Variants in COBLL1 observed in about 807,000 individuals in gnomAD.
COBLL1 encodes the protein cordon-bleu WH2 repeat protein like 1.
Under a neutral mutation model 94.8 loss-of-function variants are expected in COBLL1, and 50 were observed. The observed-to-expected ratio is 0.53, with a 90% confidence interval of 0.42 to 0.67. The LOEUF is 0.67. COBLL1 is among the 30% of genes least tolerant of loss of function. COBLL1 has a pLI of 0.00. For synonymous variants in COBLL1, 448 were observed against 473.8 expected, an observed-to-expected ratio of 0.95 and a Z score of 0.71; for missense variants, 1,362 against 1,348.7, an observed-to-expected ratio of 1.01 and a Z score of -0.15.
chr2:164,762,839 G>A (rs920109644), intron 2 of COBLL1, among the ~76,000 whole-genome samples: 1 of 151,980 alleles, frequency 6.6e-6, no homozygotes, highest in African/African-American at 2.4e-5. Context: ...TGGGACTACA[G>A]GCGCCTGGCA....
intron 3 of COBLL1, among the ~76,000 whole-genome samples, chr2:164,740,215 T>G (rs538177886): frequency 4.1e-4 from 63 of 152,138 alleles, no homozygotes; most frequent in African/African-American, 1.5e-3. Context: ...ATACAAGAAT[T>G]AGCTGGGCAT....
At position 164,703,649 on chromosome 2, in the gene COBLL1, A is replaced by G. The variant is rs1012341847; in HGVS notation, c.1225+795T>C. Reference sequence around the variant, plus strand: ...ATACCACTTAAAGATGAAAGATTCAAGAGTGTTCCTCCTAAATGTTTCCTG... The same window carrying G: ...ATACCACTTAAAGATGAAAGATTCAGGAGTGTTCCTCCTAAATGTTTCCTG... On this transcript the variant is annotated intron_variant, in intron 9 of 13. Transcript: ENST00000652658. 3.2e-5 allele frequency: 13 copies of G among 406,814 alleles called. No individual in the cohort carries two copies. The Middle Eastern group carries it at 4.6e-3, about 145-fold the overall frequency. The allele number at this position is 406,814 out of a possible 1,614,324, so 25.2% of individuals were successfully genotyped here. A position where few individuals can be genotyped will look rare whatever the true frequency, so the allele number is the denominator to read the frequency against.
intron 2 of COBLL1, among the ~76,000 whole-genome samples, chr2:164,831,528 A>C (rs1683075722): frequency 6.6e-6 from 1 of 151,896 alleles, no homozygotes; most frequent in Non-Finnish European, 1.5e-5. Context: ...CCTGAAGCAC[A>C]GAAAAAATAT....
chr2:164,842,018 C>T (rs1683652317), upstream of COBLL1: 6 of 1,539,354 alleles, frequency 3.9e-6, no homozygotes, highest in South Asian at 1.2e-5. Context: ...CACGGCCGCA[C>T]ATAAGTGGGG....
intron 2 of COBLL1, among the ~76,000 whole-genome samples, chr2:164,827,692 T>C (rs1206720399): frequency 6.6e-6 from 1 of 152,148 alleles, no homozygotes; most frequent in Non-Finnish European, 1.5e-5. Flanking sequence ...CACAAATGAG[T>C]ATGAATTCTT....
Position 164,705,018 on chromosome 2 carries a change from G to A in COBLL1, c.1084C>T (p.Arg362Ter), listed in dbSNP as rs769963140. The A allele has an allele frequency of 3.7e-6, 6 of 1,604,698 alleles. No individual in the cohort carries two copies. Among genetic ancestry groups the A allele is most frequent in the South Asian group, 1.1e-5 (1 of 89,340 alleles). Residue 362 changes from arginine to a stop codon, truncating the protein, a stop_gained, in exon 8 of 14, where the codon CGA (arginine) becomes TGA (stop). Transcript: ENST00000652658. LOFTEE classifies it high-confidence loss of function. ...AGNSSLRRTK[R>*]KAPSPPSKIP... is the part of the protein sequence containing the mutation. ...TTGGAGGGTGGGGAAGGTGCTTTTC[G>A]CTTTGTCCTTCTCAAAGATGAATTC...
At chr2:164,755,544 C>T (rs1687356283) in intron 2 of COBLL1, among the ~76,000 whole-genome samples, 1 of 152,040 alleles carries the variant, frequency 6.6e-6, no homozygotes. Flanking sequence ...GTAAAGTGGG[C>T]CACAGGACAC....
chr2:164,771,370 G>A (rs1688195176), intron 2 of COBLL1, among the ~76,000 whole-genome samples: 1 of 151,906 alleles, frequency 6.6e-6, no homozygotes, highest in African/African-American at 2.4e-5. Context: ...TTAAACAACA[G>A]GGTATCACTG....
At position 164,748,302 on chromosome 2, in the gene COBLL1, C is replaced by A. The variant is rs570047452; in HGVS notation, c.42-4427G>T. ...TTTAACTTATTTGACCTTTTAGTCA[C>A]CAGCAAAATTTTGAAAATATCTTTT... On this transcript the variant is annotated intron_variant, in intron 2 of 13. Transcript: ENST00000652658. 2.0e-5 allele frequency among the ~76,000 whole-genome samples: 3 copies of A among 152,248 alleles called. No homozygotes were observed. The South Asian group carries it at 6.2e-4, about 32-fold the overall frequency.
chr2:164,769,130 T>A lies in COBLL1; in HGVS notation c.42-25255A>T, dbSNP rs138287025. On this transcript the variant is annotated intron_variant, in intron 2 of 13. Coordinates refer to ENST00000652658, the MANE Select transcript of COBLL1 (RefSeq NM_001365672.2). ...ATTTCTCTTTCAGATACACACATAC[T>A]CTACCATGTGTTCAAACATTTTCCT... Among the ~76,000 whole-genome samples, 449 of 152,240 alleles carry A rather than the reference T, an allele frequency of 2.9e-3. 8 individuals are homozygous for A. Among genetic ancestry groups the A allele is most frequent in the African/African-American group, 0.01 (427 of 41,544 alleles).
rs1559045987 is a variant in COBLL1 at position 164,818,332 on chromosome 2, A to C, written c.41+22824T>G. 3.9e-3 allele frequency among the ~76,000 whole-genome samples: 568 copies of C among 146,256 alleles called. 27 individuals are homozygous for C. Among genetic ancestry groups the C allele is most frequent in the African/African-American group, 0.013 (519 of 38,550 alleles). On this transcript the variant is annotated intron_variant, in intron 2 of 13. Coordinates refer to ENST00000652658, the MANE Select transcript of COBLL1 (RefSeq NM_001365672.2). ...CATATACACGTGTGTATGTATACAT[A>C]TATGTATATATACATATGTGCATAT...
At chr2:164,823,079 T>A (rs1037543071) in intron 2 of COBLL1, among the ~76,000 whole-genome samples, 3 of 152,192 alleles carry the variant, frequency 2.0e-5, no homozygotes, top group Non-Finnish European at 2.9e-5. Flanking sequence ...TAAGTGGCAT[T>A]TCAGAGATTT....
chr2:164,772,807 G>A (rs934498449), intron 2 of COBLL1, among the ~76,000 whole-genome samples: 5 of 151,936 alleles, frequency 3.3e-5, no homozygotes, highest in African/African-American at 9.7e-5. Context: ...TGAAGTTAAC[G>A]CAGTCCTTAA....
chr2:164,826,449 C>T (rs185578886), intron 2 of COBLL1, among the ~76,000 whole-genome samples: 6 of 152,280 alleles, frequency 3.9e-5, no homozygotes, highest in East Asian at 1.9e-4. Flanking sequence ...ACATCACAGT[C>T]GCCTGTTTTC....
intron 2 of COBLL1, among the ~76,000 whole-genome samples, chr2:164,765,717 G>A (rs190367710): frequency 6.6e-6 from 1 of 152,102 alleles, no homozygotes; most frequent in African/African-American, 2.4e-5. Flanking sequence ...ATGCTCTATG[G>A]TATATATGAA....
intron 2 of COBLL1, among the ~76,000 whole-genome samples, chr2:164,777,832 A>C (rs1366219979): frequency 6.6e-6 from 1 of 152,182 alleles, no homozygotes; most frequent in Non-Finnish European, 1.5e-5. Flanking sequence ...AGATCTAACT[A>C]ATTAATACTC....
intron 2 of COBLL1, chr2:164,800,641 G>T: frequency 1.5e-6 from 1 of 681,208 alleles, no homozygotes; most frequent in South Asian, 1.6e-5. Context: ...AACCCAAACT[G>T]GAAACAATCT....
chr2:164,718,473 C>T (rs905277815), intron 7 of COBLL1, among the ~76,000 whole-genome samples: 1 of 151,912 alleles, frequency 6.6e-6, no homozygotes, highest in Admixed American at 6.6e-5. Flanking sequence ...TAGTATATGG[C>T]CACCTGAGGA....
chr2:164,818,839 G>A (rs1037501), intron 2 of COBLL1, among the ~76,000 whole-genome samples: 25,381 of 150,794 alleles, frequency 0.17, 2,276 homozygotes, highest in Middle Eastern at 0.23. Context: ...TGCAATCATA[G>A]TTCACTGCAG....
Sources: gnomAD v4.1 joint callset for allele counts (sites outside exome capture counted in the v4.1 genomes callset) on GRCh38, gnomAD v4.1.1 for gene constraint, MANE v1.5 for transcripts, NCBI Gene and HGNC (gene_info 2026-07-23, HGNC 2026-07-21) for gene names.